COL4A5: variants seen among roughly 807,000 people sequenced by gnomAD.
COL4A5 encodes collagen type IV alpha 5 chain.
COL4A5 carries 26 observed loss-of-function variants against 130.2 expected under a neutral mutation model. That is an observed-to-expected ratio of 0.20 (90% CI 0.15 to 0.28). The LOEUF is 0.28. Ranked by LOEUF, COL4A5 falls within the 10% of genes least tolerant of loss-of-function variation. The probability of loss-of-function intolerance (pLI) is 1.00; values close to 1 mark genes in which losing one functional copy is unlikely to be tolerated. For missense variants in COL4A5, 1,131 were observed against 1,344.3 expected (o/e 0.84, Z 2.48); for synonymous variants, 496 against 439.6 (o/e 1.13, Z -1.60).
intron 44 of COL4A5, among the ~76,000 whole-genome samples, chrX:108,678,419 A>G (rs1346042861): frequency 1.8e-5 from 2 of 111,948 alleles, no homozygotes; most frequent in Non-Finnish European, 3.8e-5. Flanking sequence ...CTCACTCCCT[A>G]TAAATATGCA....
At chrX:108,598,562 C>G (rs2066563956) in intron 24 of COL4A5, 140 bp from the exon 25 acceptor site, 7 of 561,309 alleles carry the variant, frequency 1.2e-5, no homozygotes, top group Non-Finnish European at 2.1e-5. Flanking sequence ...ATCACACATA[C>G]CATCTCATAA....
intron 36 of COL4A5, among the ~76,000 whole-genome samples, chrX:108,630,477 C>A (rs1027347201): frequency 8.9e-6 from 1 of 111,805 alleles, no homozygotes; most frequent in Non-Finnish European, 1.9e-5. Context: ...CTGTTCATAT[C>A]CTTTGCCCAC....
intron 43 of COL4A5, among the ~76,000 whole-genome samples, chrX:108,675,658 T>C (rs2068289065): frequency 9.0e-6 from 1 of 111,722 alleles, no homozygotes; most frequent in Admixed American, 9.5e-5. Flanking sequence ...TGTTGTACTA[T>C]TGTAAATCTC....
At chrX:108,606,373 C>A (rs1471240708) in intron 28 of COL4A5, among the ~76,000 whole-genome samples, 1 of 111,615 alleles carries the variant, frequency 9.0e-6, no homozygotes. Flanking sequence ...ACATTTTATA[C>A]AAAAACCACA....
At chrX:108,568,462 G>A (rs1164666911) in intron 4 of COL4A5, among the ~76,000 whole-genome samples, 167 bp from the exon 5 acceptor site, 1 of 111,766 alleles carries the variant, frequency 8.9e-6, no homozygotes, top group East Asian at 2.8e-4. Context: ...TTAAACACAT[G>A]TAAGAGATTT....
At chrX:108,538,288 C>T (rs893537636) in intron 1 of COL4A5, among the ~76,000 whole-genome samples, 1 of 111,659 alleles carries the variant, frequency 9.0e-6, no homozygotes, top group Non-Finnish European at 1.9e-5. Context: ...GTGTAGTTAG[C>T]GTAAAATACT....
intron 47 of COL4A5, 82 bp downstream of exon 47, chrX:108,681,970 A>G (rs1004529521): frequency 2.2e-6 from 2 of 920,967 alleles, no homozygotes; most frequent in Admixed American, 2.5e-5. Flanking sequence ...GGTTTGTTAC[A>G]TAGGTATACA....
chrX:108,626,714 A>C, intron 36 of COL4A5: 1 of 906,465 alleles, frequency 1.1e-6, no homozygotes, highest in Non-Finnish European at 1.4e-6. Context: ...AGACTTATAA[A>C]CAAAGTGACA....
At chrX:108,640,504 A>G (rs2067441721) in intron 36 of COL4A5, among the ~76,000 whole-genome samples, 1 of 111,553 alleles carries the variant, frequency 9.0e-6, no homozygotes, top group Admixed American at 9.5e-5. Context: ...ATTGTGTTGT[A>G]TACTTGAAAT....
At position 108,697,311 on chromosome X, in the gene COL4A5, G is replaced by A. The variant is rs1188740543; in HGVS notation, c.*933G>A. ...CAGAATTAACAATTCTTTTCCCTGT[G>A]CTTCTTATGTAAGAATCCTCCTGTG... is the stretch of plus-strand genomic sequence containing the variant. On this transcript the variant is annotated 3_prime_UTR_variant, in exon 53 of 53. Coordinates refer to ENST00000328300, the MANE Select transcript of COL4A5 (RefSeq NM_033380.3). 9.1e-6 allele frequency: 1 copy of A among 110,419 alleles called. No homozygotes were observed. The highest frequency in any genetic ancestry group is 9.8e-5 in the Admixed American group (1 of 10,215). 9.1% of individuals were successfully genotyped at this position (110,419 alleles called of 1,213,427 possible).
At chrX:108,644,012 G>A (rs1311757982) in intron 36 of COL4A5, among the ~76,000 whole-genome samples, 2 of 111,497 alleles carry the variant, frequency 1.8e-5, no homozygotes, top group Non-Finnish European at 3.8e-5. Context: ...AACACATAAG[G>A]ACTCACATAA....
chrX:108,625,780 A>G lies in COL4A5; in HGVS notation c.3092A>G (p.Asp1031Gly), dbSNP rs1569498920. The G allele has an allele frequency of 8.3e-7, 1 of 1,199,122 alleles. No homozygotes were observed. Among genetic ancestry groups the G allele is most frequent in the Non-Finnish European group, 1.1e-6 (1 of 884,063 alleles). ...CCTGGACTTAAAGGAACCATCGGTG[A>G]TATGGGTTTTCCAGGTGAGTGATGA... The part of the protein sequence containing the change: ...GPPGLKGTIG[D>G]MGFPGPQGVE... Residue 1031 changes from aspartate to glycine, a missense_variant, in exon 35 of 53, where the codon GAT (aspartate) becomes GGT (glycine). Physicochemically the swap from Asp to Gly is moderately conservative, Grantham distance 94. Transcript: ENST00000328300.
intron 2 of COL4A5, among the ~76,000 whole-genome samples, chrX:108,545,556 G>A (rs1203380718): frequency 7.2e-5 from 8 of 111,737 alleles, no homozygotes; most frequent in Non-Finnish European, 9.4e-5. Context: ...AGTAAGTGCG[G>A]TGTGGTGCTG....
intron 1 of COL4A5, among the ~76,000 whole-genome samples, chrX:108,506,307 A>T (rs908332918): frequency 1.2e-4 from 13 of 109,703 alleles, no homozygotes; most frequent in Non-Finnish European, 1.3e-4. Flanking sequence ...CTTCTTTGAT[A>T]ATTGTTTTTT....
In COL4A5 at chrX:108,575,178, G is replaced by A. The variant is rs1603281201; in HGVS notation, c.547-732G>A. On this transcript the variant is annotated intron_variant, in intron 9 of 52. Coordinates refer to ENST00000328300, the MANE Select transcript of COL4A5 (RefSeq NM_033380.3). ...AGGCCAAATTTTCAGTTTTTAACATGCCAAATTATTCCATAACACTTGTAT... is the reference window on the plus strand; with the variant it reads ...AGGCCAAATTTTCAGTTTTTAACATACCAAATTATTCCATAACACTTGTAT... 2.7e-5 allele frequency among the ~76,000 whole-genome samples: 3 copies of A among 111,367 alleles called. No homozygotes were observed. In the Admixed American group the frequency reaches 2.9e-4, roughly 11 times the overall value.
chrX:108,695,058 G>C, intron 51 of COL4A5, 137 bp downstream of exon 51: 1 of 661,220 alleles, frequency 1.5e-6, no homozygotes, highest in South Asian at 2.3e-5. Context: ...CAAGCACTGT[G>C]TTCCCCCTCA....
At chrX:108,617,526 A>G (rs752551153) in intron 30 of COL4A5, among the ~76,000 whole-genome samples, 2 of 111,876 alleles carry the variant, frequency 1.8e-5, no homozygotes, top group South Asian at 7.4e-4. Context: ...ACACGGTTAT[A>G]AGATAAGGTC....
chrX:108,608,205 A>G (rs1265433092), intron 29 of COL4A5, among the ~76,000 whole-genome samples: 1 of 111,840 alleles, frequency 8.9e-6, no homozygotes. Flanking sequence ...CACAGCCTTG[A>G]TAAGTGAGTA....
chrX:108,517,839 T>C (rs2065233837), intron 1 of COL4A5, among the ~76,000 whole-genome samples: 1 of 111,072 alleles, frequency 9.0e-6, no homozygotes, highest in Non-Finnish European at 1.9e-5. Context: ...TTTCTAAGCA[T>C]TTTTTTTCTC....
Sources: allele counts gnomAD v4.1 joint callset (sites outside exome capture counted in the v4.1 genomes callset), GRCh38; gene constraint gnomAD v4.1.1; transcripts MANE v1.5; gene names NCBI Gene and HGNC (gene_info 2026-07-23, HGNC 2026-07-21).